The following PDE4D variants were observed in gnomAD, a reference collection of about 807,000 sequenced individuals.
PDE4D encodes the protein phosphodiesterase 4D, also known as 3',5'-cyclic-AMP phosphodiesterase 4D.
A neutral mutation model predicts 87.4 loss-of-function variants in PDE4D; 24 were observed. That is an observed-to-expected ratio of 0.27 (90% CI 0.20 to 0.39). The LOEUF (loss-of-function observed/expected upper bound fraction) is 0.39. PDE4D is among the 10% of genes least tolerant of loss of function. PDE4D has a pLI of 1.00. For synonymous variants in PDE4D, 384 were observed against 383.2 expected, an observed-to-expected ratio of 1.00 and a Z score of -0.02; for missense variants, 714 against 1,041.0, an observed-to-expected ratio of 0.69 and a Z score of 4.32.
At chr5:60,032,736 T>C (rs1376680531) in intron 2 of PDE4D, 1 of 152,186 alleles carries the variant, frequency 6.6e-6, no homozygotes, top group African/African-American at 2.4e-5. Context: ...CACATAGTTA[T>C]TAAAAAATGT....
intron 1 of PDE4D, among the ~76,000 whole-genome samples, chr5:59,566,606 A>AC (rs1561221868): frequency 2.1e-5 from 3 of 145,612 alleles, no homozygotes; most frequent in South Asian, 2.1e-4. Flanking sequence ...GAGAGAGAGA[A>AC]AGAGAATTTG....
At chr5:59,939,541 G>A (rs566947027) in intron 3 of PDE4D, among the ~76,000 whole-genome samples, 3 of 152,148 alleles carry the variant, frequency 2.0e-5, no homozygotes, top group Non-Finnish European at 4.4e-5. Context: ...AAATACATCT[G>A]ACCTCGTGAG....
chr5:59,603,579 T>C (rs1026150848), intron 1 of PDE4D, among the ~76,000 whole-genome samples: 3 of 151,890 alleles, frequency 2.0e-5, no homozygotes. Flanking sequence ...TTATAAAAAA[T>C]AGTATGGAGG....
chr5:60,275,888 T>C lies in PDE4D; in HGVS notation c.-89-90201A>G, dbSNP rs1554197101. On this transcript the variant is annotated intron_variant, in intron 1 of 16. Coordinates refer to the PDE4D transcript ENST00000502484. ...CCCTTGAGAGTTTCTCTTTAATCCA[T>C]GGATTTTTAGAAGTCTGTTGTTGTT... Among the ~76,000 whole-genome samples the C allele has an allele frequency of 2.6e-5, 4 of 152,184 alleles. No homozygotes were observed. The South Asian group carries it at 8.3e-4, about 31-fold the overall frequency.
intron 1 of PDE4D, among the ~76,000 whole-genome samples, chr5:59,223,204 G>A (rs1483041483): frequency 6.6e-5 from 10 of 151,004 alleles, no homozygotes. Flanking sequence ...GGAGACTGCT[G>A]ATTTTTTTCT....
At chr5:59,530,855 G>C (rs565783882) in intron 1 of PDE4D, among the ~76,000 whole-genome samples, 4 of 152,284 alleles carry the variant, frequency 2.6e-5, no homozygotes, top group African/African-American at 4.8e-5. Context: ...AATATAATTT[G>C]AGATCCCTTT....
chr5:59,799,019 T>G (rs1422006808), intron 1 of PDE4D, among the ~76,000 whole-genome samples: 1 of 152,164 alleles, frequency 6.6e-6, no homozygotes, highest in Non-Finnish European at 1.5e-5. Flanking sequence ...CCAATTTTAT[T>G]TAGCCCTCAG....
intron 5 of PDE4D, among the ~76,000 whole-genome samples, chr5:59,042,011 T>C (rs1343659675): frequency 6.6e-6 from 1 of 152,198 alleles, no homozygotes; most frequent in Non-Finnish European, 1.5e-5. Flanking sequence ...GATTTGAGTA[T>C]GATGATAAAA....
intron 1 of PDE4D, among the ~76,000 whole-genome samples, chr5:60,502,395 G>C (rs1420276845): frequency 6.6e-6 from 1 of 152,144 alleles, no homozygotes; most frequent in Admixed American, 6.5e-5. Flanking sequence ...ATGCTGTTTT[G>C]GTTACTGTAG....
chr5:59,623,659 TAA>T (rs894164717), intron 1 of PDE4D, among the ~76,000 whole-genome samples: 1 of 152,200 alleles, frequency 6.6e-6, no homozygotes, highest in Non-Finnish European at 1.5e-5. Flanking sequence ...TGACCTTTTA[TAA>T]ACCTTGATAC....
chr5:59,573,993 G>A (rs1446157252), intron 1 of PDE4D, among the ~76,000 whole-genome samples: 4 of 45,420 alleles, frequency 8.8e-5, no homozygotes, highest in South Asian at 1.3e-3. Context: ...GGGAGACTCT[G>A]TCTCAAAAAA....
rs1561207426 is a variant in PDE4D at position 58,974,772 on chromosome 5, C to T, written c.2322G>A (p.Glu774=). 6.2e-7 allele frequency: 1 copy of T among 1,613,708 alleles called. No homozygotes were observed. The highest frequency in any genetic ancestry group is 2.2e-5 in the East Asian group (1 of 44,878). ...GTTCATCAAGGGGAATTTCAGTAGA[C>T]TCTGAGTCTTGAGTACAAAGAGTCT... The part of the protein sequence containing the change: ...DSKTLCTQDS[E]STEIPLDEQV... The change falls in exon 15 of 15, where the codon GAG becomes GAA. Residue 774 remains glutamate, a synonymous_variant. Coordinates refer to ENST00000340635, the MANE Select transcript of PDE4D (RefSeq NM_001104631.2).
chr5:59,852,283 C>G (rs551180986), intron 1 of PDE4D, among the ~76,000 whole-genome samples: 1 of 152,022 alleles, frequency 6.6e-6, no homozygotes, highest in Non-Finnish European at 1.5e-5. Flanking sequence ...TCTCACATTG[C>G]GTAGGGCTGA....
chr5:60,309,641 C>T (rs1304229733), intron 1 of PDE4D, among the ~76,000 whole-genome samples: 1 of 152,046 alleles, frequency 6.6e-6, no homozygotes, highest in Non-Finnish European at 1.5e-5. Flanking sequence ...GAAAGCACAA[C>T]TGTTGAAAGA....
At chr5:60,002,322 G>A (rs183655554) in intron 2 of PDE4D, among the ~76,000 whole-genome samples, 151 of 151,574 alleles carry the variant, frequency 1.0e-3, no homozygotes, top group African/African-American at 3.6e-3. Context: ...GTGGCAACAA[G>A]GGTGAATTGT....
chr5:60,193,393 G>A (rs1785349430), intron 1 of PDE4D, among the ~76,000 whole-genome samples: 1 of 151,992 alleles, frequency 6.6e-6, no homozygotes, highest in Non-Finnish European at 1.5e-5. Flanking sequence ...GTCACAGGCC[G>A]GGCGCAGTGG....
intron 2 of PDE4D, among the ~76,000 whole-genome samples, chr5:60,098,219 C>A (rs1199821769): frequency 6.6e-6 from 1 of 151,798 alleles, no homozygotes; most frequent in East Asian, 1.9e-4. Flanking sequence ...GGAATAAGTT[C>A]TAGCATTAGA....
intron 1 of PDE4D, among the ~76,000 whole-genome samples, chr5:59,641,070 C>T (rs989924247): frequency 2.0e-5 from 3 of 152,054 alleles, no homozygotes; most frequent in African/African-American, 7.2e-5. Context: ...TTTATGGGTT[C>T]AGTTTCCCTA....
intron 1 of PDE4D, among the ~76,000 whole-genome samples, chr5:59,690,247 G>A (rs767571998): frequency 6.6e-6 from 1 of 152,142 alleles, no homozygotes; most frequent in Non-Finnish European, 1.5e-5. Context: ...CCAAAAAAGA[G>A]CCCGCATTGC....
Sources: gnomAD v4.1 joint callset for allele counts (sites outside exome capture counted in the v4.1 genomes callset) on GRCh38, gnomAD v4.1.1 for gene constraint, MANE v1.5 for transcripts, NCBI Gene and HGNC (gene_info 2026-07-23, HGNC 2026-07-21) for gene names.